The following DGKB variants were observed in gnomAD, a reference collection of about 807,000 sequenced individuals.
DGKB encodes 90 kDa diacylglycerol kinase.
Under a neutral mutation model 114.3 loss-of-function variants are expected in DGKB, and 67 were observed. That is an observed-to-expected ratio of 0.59 (90% CI 0.48 to 0.72). The LOEUF (loss-of-function observed/expected upper bound fraction) is 0.72, where lower values mean the gene tolerates loss of function less well. Among genes scored for constraint, DGKB ranks in the 30% least tolerant of loss-of-function variants. The pLI is 0.00. For synonymous variants in DGKB, 398 were observed against 323.1 expected (o/e 1.23, Z -2.49); for missense variants, 907 against 975.2 (o/e 0.93, Z 0.93).
At chr7:14,435,085 T>C (rs1335159882) in intron 21 of DGKB, among the ~76,000 whole-genome samples, 2 of 152,160 alleles carry the variant, frequency 1.3e-5, no homozygotes, top group Non-Finnish European at 2.9e-5. Flanking sequence ...CACCTTATTT[T>C]GCTTAATATT....
At chr7:14,789,020 T>C (rs6967001) in intron 2 of DGKB, among the ~76,000 whole-genome samples, 47,067 of 151,644 alleles carry the variant, frequency 0.31, 9,778 homozygotes, top group African/African-American at 0.59. Flanking sequence ...CACAGAAAAA[T>C]TCAGTACTCC....
At chr7:14,908,872 A>T (rs1425220052) in intron 1 of DGKB, among the ~76,000 whole-genome samples, 1 of 152,184 alleles carries the variant, frequency 6.6e-6, no homozygotes, top group Admixed American at 6.5e-5. Context: ...CAGATGCTAT[A>T]TAATTGTGGA....
intron 21 of DGKB, among the ~76,000 whole-genome samples, chr7:14,385,286 G>T (rs1242882524): frequency 6.6e-6 from 1 of 152,062 alleles, no homozygotes; most frequent in Non-Finnish European, 1.5e-5. Flanking sequence ...ATCATCATCT[G>T]GGAGGTTCAC....
chr7:14,556,900 A>T (rs1235599322), intron 20 of DGKB, among the ~76,000 whole-genome samples: 1 of 152,220 alleles, frequency 6.6e-6, no homozygotes, highest in Non-Finnish European at 1.5e-5. Flanking sequence ...GTTAAAATAT[A>T]AAAACTACTT....
intron 21 of DGKB, among the ~76,000 whole-genome samples, chr7:14,415,310 T>C (rs574599877): frequency 6.6e-6 from 1 of 152,196 alleles, no homozygotes; most frequent in Non-Finnish European, 1.5e-5. Context: ...AGTGTACATG[T>C]GCACAACGTG....
chr7:14,332,968 C>T (rs950869383), intron 23 of DGKB, among the ~76,000 whole-genome samples: 2 of 152,158 alleles, frequency 1.3e-5, no homozygotes, highest in African/African-American at 4.8e-5. Context: ...GCTCCCTTAG[C>T]TTCTGGCAAA....
intron 20 of DGKB, among the ~76,000 whole-genome samples, chr7:14,518,952 A>G (rs1789294360): frequency 6.6e-6 from 1 of 152,044 alleles, no homozygotes; most frequent in East Asian, 1.9e-4. Context: ...GGTGATTGTG[A>G]TGCTGCTGTT....
chr7:14,646,854 G>T (rs4721355), intron 13 of DGKB, among the ~76,000 whole-genome samples: 13 of 151,320 alleles, frequency 8.6e-5, no homozygotes, highest in Non-Finnish European at 1.5e-4. Flanking sequence ...TTACACCAAT[G>T]AACACCTATA....
intron 22 of DGKB, among the ~76,000 whole-genome samples, chr7:14,344,651 A>G (rs916624440): frequency 4.0e-5 from 6 of 151,048 alleles, no homozygotes; most frequent in South Asian, 2.1e-4. Flanking sequence ...AAATCTCTCA[A>G]TATAACGAAG....
intron 20 of DGKB, among the ~76,000 whole-genome samples, chr7:14,486,998 A>C (rs573418332): frequency 6.6e-6 from 1 of 152,346 alleles, no homozygotes. Flanking sequence ...TTGTCTTATT[A>C]AAATTGATAC....
chr7:14,829,137 A>G (rs904153468), intron 2 of DGKB, among the ~76,000 whole-genome samples: 2 of 152,048 alleles, frequency 1.3e-5, no homozygotes, highest in Non-Finnish European at 2.9e-5. Context: ...CTTTACCTTC[A>G]TGGGTAGGGG....
intron 23 of DGKB, among the ~76,000 whole-genome samples, chr7:14,247,079 T>A (rs1033703661): frequency 2.6e-5 from 4 of 152,132 alleles, no homozygotes; most frequent in Admixed American, 2.0e-4. Context: ...ATAAGTGAGA[T>A]CATGCAGTAT....
chr7:14,638,799 T>C (rs1164724153), intron 13 of DGKB, among the ~76,000 whole-genome samples: 1 of 152,076 alleles, frequency 6.6e-6, no homozygotes, highest in Admixed American at 6.6e-5. Context: ...CCTGGCACTT[T>C]GGGAGGCTGA....
At chr7:14,305,117 T>G (rs569394311) in intron 23 of DGKB, among the ~76,000 whole-genome samples, 12 of 152,314 alleles carry the variant, frequency 7.9e-5, no homozygotes, top group African/African-American at 2.9e-4. Context: ...AAACATTTAT[T>G]GTTCCTTTGT....
At chr7:14,462,572 C>T (rs990033635) in intron 21 of DGKB, among the ~76,000 whole-genome samples, 8 of 152,166 alleles carry the variant, frequency 5.3e-5, no homozygotes, top group Non-Finnish European at 1.0e-4. Context: ...TCAAGGAGAA[C>T]TGCTCAGGGA....
intron 1 of DGKB, among the ~76,000 whole-genome samples, chr7:14,901,605 A>AACCCCC (rs1562855781): frequency 4.1e-5 from 5 of 123,094 alleles, no homozygotes; most frequent in South Asian, 3.0e-4. Context: ...AGGGATTTCC[A>AACCCCC]CCCCCCCCCA....
chr7:14,292,026 T>C (rs1362604977), intron 23 of DGKB, among the ~76,000 whole-genome samples: 1 of 152,180 alleles, frequency 6.6e-6, no homozygotes, highest in Non-Finnish European at 1.5e-5. Flanking sequence ...GAAGGACACA[T>C]GCTTCCTTTT....
intron 13 of DGKB, among the ~76,000 whole-genome samples, chr7:14,665,516 A>T (rs1346338701): frequency 6.6e-6 from 1 of 152,070 alleles, no homozygotes; most frequent in Admixed American, 6.6e-5. Context: ...CTTGAACCTA[A>T]AAGTTAAATT....
intron 20 of DGKB, among the ~76,000 whole-genome samples, chr7:14,499,466 G>A (rs988357627): frequency 2.0e-5 from 3 of 151,664 alleles, no homozygotes; most frequent in Admixed American, 6.6e-5. Flanking sequence ...TATCACCCCC[G>A]AAAGATTAGT....
Sources: allele counts gnomAD v4.1 joint callset (sites outside exome capture counted in the v4.1 genomes callset), GRCh38; gene constraint gnomAD v4.1.1; transcripts MANE v1.5; gene names NCBI Gene and HGNC (gene_info 2026-07-23, HGNC 2026-07-21).